PSMD1: variants seen among roughly 807,000 people sequenced by gnomAD.
The protein encoded by PSMD1 is proteasome 26S subunit, non-ATPase 1.
In PSMD1, 18 loss-of-function variants were observed where a neutral mutation model predicts 119.0. The observed-to-expected ratio is 0.15, with a 90% CI of 0.10 to 0.22. PSMD1 has a LOEUF of 0.22. Among genes scored for constraint, PSMD1 ranks in the 10% least tolerant of loss-of-function variants. PSMD1 has a pLI of 1.00. For missense variants in PSMD1, 702 were observed against 1,158.5 expected (o/e 0.61, Z 5.72); for synonymous variants, 374 against 396.6 (o/e 0.94, Z 0.68).
intron 16 of PSMD1, chr2:231,124,998 G>A (rs889787996): frequency 2.6e-5 from 4 of 152,102 alleles, no homozygotes; most frequent in East Asian, 1.9e-4. Context: ...ATTTTGCTGA[G>A]CATGTCATCT....
intron 16 of PSMD1, among the ~76,000 whole-genome samples, chr2:231,095,685 C>T (rs186326972): frequency 3.3e-5 from 5 of 152,232 alleles, no homozygotes; most frequent in African/African-American, 1.2e-4. Flanking sequence ...TTTCTCTGTC[C>T]TGTTCTGCAA....
intron 16 of PSMD1, among the ~76,000 whole-genome samples, chr2:231,127,685 T>C (rs890728604): frequency 6.6e-6 from 1 of 152,210 alleles, no homozygotes; most frequent in Admixed American, 6.5e-5. Context: ...GGCATAATGA[T>C]GGATAGCACA....
At chr2:231,144,364 G>C (rs1458708338) in intron 17 of PSMD1, among the ~76,000 whole-genome samples, 1 of 146,496 alleles carries the variant, frequency 6.8e-6, no homozygotes, top group Non-Finnish European at 1.5e-5. Context: ...CGATTCTCCA[G>C]CCTCAGCCTC....
intron 5 of PSMD1, among the ~76,000 whole-genome samples, chr2:231,069,321 A>G (rs962031649): frequency 6.6e-6 from 1 of 152,148 alleles, no homozygotes; most frequent in African/African-American, 2.4e-5. Context: ...TTATTTTTAA[A>G]TTGTATTTTT....
At chr2:231,109,270 T>C (rs1364073082) in intron 16 of PSMD1, 1 of 1,614,132 alleles carries the variant, frequency 6.2e-7, no homozygotes, top group Middle Eastern at 1.7e-4. Flanking sequence ...CAATCATAAT[T>C]GCAAGAGGTG....
rs1559236184 is a variant in PSMD1, at chr2:231,113,819, T to C, written c.1884-24917T>C. On this transcript the variant is annotated intron_variant, in intron 16 of 24. Coordinates refer to ENST00000308696, the MANE Select transcript of PSMD1 (RefSeq NM_002807.4). ...GCCTGGATTGGCTTTTTGATGGCTA[T>C]GTAACGATCCACTGAAATGGCACAG... is the stretch of plus-strand genomic sequence containing the variant. 6.2e-7 allele frequency: 1 copy of C among 1,614,144 alleles called. No individual in the cohort carries two copies. Among genetic ancestry groups the C allele is most frequent in the Non-Finnish European group, 8.5e-7 (1 of 1,179,982 alleles).
intron 16 of PSMD1, among the ~76,000 whole-genome samples, chr2:231,094,110 A>G (rs1553561921): frequency 2.6e-5 from 4 of 152,156 alleles, no homozygotes; most frequent in Non-Finnish European, 5.9e-5. Flanking sequence ...ATTAGGTTCT[A>G]GTCCTCTAGG....
At position 231,123,991 on chromosome 2, in the gene PSMD1, C is replaced by T. The variant is rs181258163; in HGVS notation, c.1884-14745C>T. The T allele has an allele frequency of 8.7e-4, 436 of 501,078 alleles. 1 individual carries two copies. Among genetic ancestry groups the T allele is most frequent in the African/African-American group, 7.6e-3 (393 of 51,998 alleles). The allele number at this position is 501,078 out of a possible 1,614,324, so 31.0% of individuals were successfully genotyped here. A position where few individuals can be genotyped will look rare whatever the true frequency, so the allele number is the denominator to read the frequency against. ...CCAAGTATTTATTATTTTCTAGAGG[C>T]TTAAATTTAGGAAAGCTCAGTGAAA... On this transcript the variant is annotated intron_variant, in intron 16 of 24. Transcript: ENST00000308696.
At chr2:231,148,128 C>T (rs920178730) in intron 18 of PSMD1, among the ~76,000 whole-genome samples, 3 of 152,204 alleles carry the variant, frequency 2.0e-5, no homozygotes, top group Admixed American at 6.5e-5. Flanking sequence ...TCTTTCCAAA[C>T]ACCACATTTC....
intron 1 of PSMD1, among the ~76,000 whole-genome samples, chr2:231,059,612 A>G (rs1693706097): frequency 6.6e-6 from 1 of 152,240 alleles, no homozygotes; most frequent in Admixed American, 6.5e-5. Flanking sequence ...TTAAAACAAT[A>G]GTCCCCCACC....
chr2:231,134,578 T>C (rs1695927979), intron 16 of PSMD1, among the ~76,000 whole-genome samples: 1 of 152,244 alleles, frequency 6.6e-6, no homozygotes, highest in Non-Finnish European at 1.5e-5. Context: ...GTGGTTATTA[T>C]GCTAGTAGTC....
At chr2:231,143,350 C>A (rs1696174677) in intron 17 of PSMD1, among the ~76,000 whole-genome samples, 1 of 152,120 alleles carries the variant, frequency 6.6e-6, no homozygotes, top group African/African-American at 2.4e-5. Context: ...CTGCCTCAGC[C>A]TCCCCAGTAG....
At position 231,087,057 on chromosome 2, in the gene PSMD1, G is replaced by T. The variant is rs1200200537; in HGVS notation, c.1819-60G>T. 4 of 1,410,300 alleles carry T rather than the reference G, an allele frequency of 2.8e-6. No homozygotes were observed. The East Asian group carries it at 6.9e-5, about 24-fold the overall frequency. The allele number at this position is 1,410,300 out of a possible 1,614,324, so 87.4% of individuals were successfully genotyped here. ...CTGTTGAATGATGCTGACCTCTCAT[G>T]TCAGTTTGGTCTAGTGGTAGACTAC... On this transcript the variant is annotated intron_variant, in intron 15 of 24. Coordinates refer to ENST00000308696, the MANE Select transcript of PSMD1 (RefSeq NM_002807.4).
chr2:231,089,916 G>T (rs774683850), intron 16 of PSMD1, among the ~76,000 whole-genome samples: 56 of 152,162 alleles, frequency 3.7e-4, no homozygotes, highest in African/African-American at 1.3e-3. Flanking sequence ...TCCTTTGGCA[G>T]CGCCCTCACA....
intron 23 of PSMD1, among the ~76,000 whole-genome samples, chr2:231,168,584 A>G (rs573161525): frequency 5.5e-4 from 84 of 152,222 alleles, no homozygotes; most frequent in Non-Finnish European, 1.0e-3. Flanking sequence ...TTTATGTGAA[A>G]CATTCAGAAA....
At chr2:231,120,060 T>A (rs1695483570) in intron 16 of PSMD1, among the ~76,000 whole-genome samples, 1 of 150,650 alleles carries the variant, frequency 6.6e-6, no homozygotes, top group South Asian at 2.1e-4. Context: ...CAAGCTATTC[T>A]CCTGCCTCAG....
intron 16 of PSMD1, chr2:231,113,696 T>C (rs1695234437): frequency 6.3e-7 from 1 of 1,584,818 alleles, no homozygotes; most frequent in Non-Finnish European, 8.7e-7. Flanking sequence ...AAAGATTTTG[T>C]ATACCACCCA....
At chr2:231,126,993 C>T (rs1695738431) in intron 16 of PSMD1, among the ~76,000 whole-genome samples, 1 of 151,968 alleles carries the variant, frequency 6.6e-6, no homozygotes, top group Non-Finnish European at 1.5e-5. Flanking sequence ...CTCTAAGTCC[C>T]CACTCCATAT....
chr2:231,149,638 A>C (rs1176106025), intron 18 of PSMD1, among the ~76,000 whole-genome samples: 1 of 152,248 alleles, frequency 6.6e-6, no homozygotes. Context: ...CCTATCATTG[A>C]CAAGTACCCT....
Sources: gnomAD v4.1 joint callset for allele counts (sites outside exome capture counted in the v4.1 genomes callset) on GRCh38, gnomAD v4.1.1 for gene constraint, MANE v1.5 for transcripts, NCBI Gene and HGNC (gene_info 2026-07-23, HGNC 2026-07-21) for gene names.